The following UBE2R2 variants were observed in gnomAD, a reference collection of about 807,000 sequenced individuals.
The protein encoded by UBE2R2 is ubiquitin conjugating enzyme E2 R2.
In UBE2R2, 1 loss-of-function variant was observed where a neutral mutation model predicts 27.8. The ratio of observed to expected loss-of-function variants is 0.04; its 90% CI spans 0.01 to 0.17. The LOEUF is 0.17. Among genes scored for constraint, UBE2R2 ranks in the 10% least tolerant of loss-of-function variants. The pLI, the probability that UBE2R2 is intolerant of heterozygous loss-of-function variation, is 1.00. For missense variants in UBE2R2, 100 were observed against 291.0 expected, an observed-to-expected ratio of 0.34 and a Z score of 4.78; for synonymous variants, 106 against 113.3, an observed-to-expected ratio of 0.94 and a Z score of 0.41.
chr9:33,910,451 T>C (rs1201203583), intron 3 of UBE2R2, among the ~76,000 whole-genome samples: 1 of 152,122 alleles, frequency 6.6e-6, no homozygotes, highest in Admixed American at 6.6e-5. Context: ...CTGGCCCCTA[T>C]TATGCTTTCT....
intron 1 of UBE2R2, among the ~76,000 whole-genome samples, chr9:33,858,311 A>G (rs1460258202): frequency 6.6e-6 from 1 of 152,178 alleles, no homozygotes; most frequent in Admixed American, 6.6e-5. Context: ...CCGTCTTTAC[A>G]TTCTGATCAG....
chr9:33,870,464 GT>G (rs1056793523), intron 1 of UBE2R2, among the ~76,000 whole-genome samples: 8 of 152,030 alleles, frequency 5.3e-5, no homozygotes, highest in African/African-American at 1.9e-4. Flanking sequence ...AATGTACTAT[GT>G]TTGGGGAGAA....
upstream of UBE2R2, among the ~76,000 whole-genome samples, chr9:33,815,829 A>C (rs183540600): frequency 2.6e-5 from 4 of 152,326 alleles, no homozygotes; most frequent in Admixed American, 1.3e-4. Context: ...ATCATTAACC[A>C]TGTGCCAGTC....
At chr9:33,846,336 C>T (rs527498629) in intron 1 of UBE2R2, among the ~76,000 whole-genome samples, 9 of 152,142 alleles carry the variant, frequency 5.9e-5, no homozygotes, top group East Asian at 3.9e-4. Flanking sequence ...ACTATTTTCC[C>T]GTGAGTTAGG....
chr9:33,871,746 T>C (rs1821489563), intron 1 of UBE2R2, among the ~76,000 whole-genome samples: 1 of 152,234 alleles, frequency 6.6e-6, no homozygotes, highest in Admixed American at 6.5e-5. Context: ...AGTCTCGCTC[T>C]GTCGCCCAGG....
At chr9:33,845,528 G>A (rs1051740470) in intron 1 of UBE2R2, among the ~76,000 whole-genome samples, 3 of 151,980 alleles carry the variant, frequency 2.0e-5, no homozygotes, top group Non-Finnish European at 2.9e-5. Flanking sequence ...GATTATAGGC[G>A]TGAGCCACCG....
At chr9:33,835,145 GT>G (rs3060448) in intron 1 of UBE2R2, among the ~76,000 whole-genome samples, 86 of 112,122 alleles carry the variant, frequency 7.7e-4, no homozygotes, top group Admixed American at 1.6e-3. Context: ...CTAAGTGTAG[GT>G]TTTTTTTTTT....
At chr9:33,886,419 G>A (rs563550462) in intron 1 of UBE2R2, among the ~76,000 whole-genome samples, 18 of 152,264 alleles carry the variant, frequency 1.2e-4, no homozygotes, top group African/African-American at 4.3e-4. Context: ...CACTTTGGGA[G>A]GCCGAGGCAG....
chr9:33,819,262 T>C (rs1050853945), intron 1 of UBE2R2, among the ~76,000 whole-genome samples: 1 of 152,206 alleles, frequency 6.6e-6, no homozygotes, highest in African/African-American at 2.4e-5. Context: ...ACTTAACTCT[T>C]GTTTTCTACC....
At chr9:33,881,594 G>A (rs1490400864) in intron 1 of UBE2R2, among the ~76,000 whole-genome samples, 1 of 151,974 alleles carries the variant, frequency 6.6e-6, no homozygotes, top group Non-Finnish European at 1.5e-5. Flanking sequence ...CTCATTTTTT[G>A]TGACCTTGAC....
chr9:33,859,712 A>T (rs1821180243), intron 1 of UBE2R2, among the ~76,000 whole-genome samples: 1 of 151,386 alleles, frequency 6.6e-6, no homozygotes, highest in Admixed American at 6.6e-5. Flanking sequence ...GGTTATTTAA[A>T]TGTAGGTTTA....
At chr9:33,815,673 G>A (rs889539468), upstream of UBE2R2, among the ~76,000 whole-genome samples, 6 of 152,156 alleles carry the variant, frequency 3.9e-5, no homozygotes, top group Non-Finnish European at 5.9e-5. Context: ...AAGCCCAGGA[G>A]GTTACTGCTA....
At chr9:33,873,989 C>T (rs982188952) in intron 1 of UBE2R2, among the ~76,000 whole-genome samples, 2 of 150,736 alleles carry the variant, frequency 1.3e-5, no homozygotes, top group Non-Finnish European at 3.0e-5. Flanking sequence ...GTTCTGTCAC[C>T]CAGGCTGGAG....
intron 1 of UBE2R2, among the ~76,000 whole-genome samples, chr9:33,835,073 A>G (rs1312246498): frequency 6.6e-6 from 1 of 151,510 alleles, no homozygotes; most frequent in Non-Finnish European, 1.5e-5. Context: ...CTGGTTTGTA[A>G]TATGTTTTGA....
chr9:33,823,313 T>C (rs1247887286), intron 1 of UBE2R2, among the ~76,000 whole-genome samples: 1 of 152,040 alleles, frequency 6.6e-6, no homozygotes, highest in Non-Finnish European at 1.5e-5. Flanking sequence ...ACTGCGATTA[T>C]AGGTCTGAAC....
chr9:33,824,610 G>T (rs966622986), intron 1 of UBE2R2, among the ~76,000 whole-genome samples: 1 of 150,132 alleles, frequency 6.7e-6, no homozygotes, highest in African/African-American at 2.5e-5. Flanking sequence ...CTGCTCTCTA[G>T]CCTGGGCGAG....
chr9:33,816,679 C>T (rs1193091152), upstream of UBE2R2, among the ~76,000 whole-genome samples: 1 of 152,234 alleles, frequency 6.6e-6, no homozygotes, highest in Non-Finnish European at 1.5e-5. Flanking sequence ...GTCAGCACAT[C>T]CTAATCAAGT....
chr9:33,879,750 C>A (rs1182871320), intron 1 of UBE2R2, among the ~76,000 whole-genome samples: 1 of 67,364 alleles, frequency 1.5e-5, no homozygotes. Context: ...GGTCACAAGA[C>A]TTTTTTTTTT....
intron 3 of UBE2R2, among the ~76,000 whole-genome samples, chr9:33,901,284 G>A (rs1288425041): frequency 6.6e-6 from 1 of 152,186 alleles, no homozygotes; most frequent in African/African-American, 2.4e-5. Context: ...GAGAAGTAAT[G>A]TGCCATTTTC....
Sources: gnomAD v4.1 joint callset for allele counts (sites outside exome capture counted in the v4.1 genomes callset) on GRCh38, gnomAD v4.1.1 for gene constraint, MANE v1.5 for transcripts, NCBI Gene and HGNC (gene_info 2026-07-23, HGNC 2026-07-21) for gene names.